Variants in RALYL observed in about 807,000 individuals in gnomAD.
RALYL encodes RALY RNA binding protein like, also known as RNA-binding Raly-like protein.
RALYL carries 29 observed loss-of-function variants against 35.1 expected under a neutral mutation model. The ratio of observed to expected loss-of-function variants is 0.83; its 90% confidence interval spans 0.61 to 1.13. The LOEUF is 1.13. RALYL is among the 50% of genes most tolerant of loss of function. The probability of loss-of-function intolerance (pLI) is 0.00; values close to 1 mark genes in which losing one functional copy is unlikely to be tolerated. For synonymous variants in RALYL, 120 were observed against 127.6 expected (o/e 0.94, Z 0.40); for missense variants, 359 against 360.4 (o/e 1.00, Z 0.03).
rs142195308 is a variant in RALYL, at chr8:84,757,260, G to A, written c.257-17319G>A. On this transcript the variant is annotated intron_variant, in intron 2 of 8. Coordinates refer to ENST00000521268, the MANE Select transcript of RALYL (RefSeq NM_173848.7). ...GCAGCAGAAGATGCCATTACAAAAT[G>A]AAAGTACATCATCTGTATCTACTGG... Among the ~76,000 whole-genome samples the A allele has an allele frequency of 1.6e-3, 238 of 152,204 alleles. 1 individual carries two copies. The highest frequency in any genetic ancestry group is 5.4e-3 in the African/African-American group (223 of 41,544).
chr8:84,651,153 A>G (rs1328554816), intron 2 of RALYL, among the ~76,000 whole-genome samples: 2 of 152,026 alleles, frequency 1.3e-5, no homozygotes, highest in African/African-American at 2.4e-5. Context: ...GCACACCAGC[A>G]TGGCACATGT....
chr8:84,610,905 C>T (rs551417228), intron 2 of RALYL, among the ~76,000 whole-genome samples: 4 of 150,860 alleles, frequency 2.7e-5, no homozygotes, highest in South Asian at 4.2e-4. Context: ...GTTTGTTTAG[C>T]ATTTTCTTAC....
At chr8:84,287,689 G>A (rs1837927539) in intron 1 of RALYL, among the ~76,000 whole-genome samples, 1 of 152,062 alleles carries the variant, frequency 6.6e-6, no homozygotes, top group Non-Finnish European at 1.5e-5. Context: ...TGGACACATG[G>A]GAGTAAGATG....
intron 2 of RALYL, among the ~76,000 whole-genome samples, chr8:84,719,354 G>T (rs1034720185): frequency 9.2e-5 from 14 of 152,126 alleles, no homozygotes; most frequent in Non-Finnish European, 2.1e-4. Context: ...TAGGCTGTTT[G>T]TGAACTATCT....
chr8:84,858,912 A>G (rs889401785), intron 5 of RALYL, among the ~76,000 whole-genome samples: 12 of 152,200 alleles, frequency 7.9e-5, no homozygotes, highest in African/African-American at 2.9e-4. Flanking sequence ...GAAAGTCTTC[A>G]GGTCCATTAA....
chr8:84,826,292 GAAAAAAAAA>G (rs1169764529), intron 4 of RALYL, among the ~76,000 whole-genome samples: 8 of 66,012 alleles, frequency 1.2e-4, no homozygotes, highest in Non-Finnish European at 2.4e-4. Flanking sequence ...CCCTGAATCT[GAAAAAAAAA>G]AAAAAAAAAA....
chr8:84,759,248 A>G (rs185830063), intron 2 of RALYL, among the ~76,000 whole-genome samples: 2 of 152,320 alleles, frequency 1.3e-5, no homozygotes, highest in Admixed American at 1.3e-4. Flanking sequence ...TACAGGTTCC[A>G]GGAATTGGAA....
chr8:84,889,618 C>T (rs1172237880), intron 8 of RALYL, among the ~76,000 whole-genome samples: 1 of 152,136 alleles, frequency 6.6e-6, no homozygotes, highest in African/African-American at 2.4e-5. Context: ...GGCCAAGATT[C>T]CTAAATTCAC....
rs1204732916 is a variant in RALYL at position 84,784,186 on chromosome 8, AAC to A, written c.332+9536_332+9537del. Among the ~76,000 whole-genome samples, 20 of 152,310 alleles carry A rather than the reference AAC, an allele frequency of 1.3e-4. 2 individuals carry two copies. In the East Asian group the frequency reaches 3.7e-3, roughly 28 times the overall value. ...GCAGCCACATCAGGGCTTCTTCTAT[AAC>A]ACAGTCTTCACACATGCAGAGATGC... On this transcript the variant is annotated intron_variant, in intron 3 of 8. Transcript: ENST00000521268.
chr8:84,335,709 C>T (rs1289924320), intron 1 of RALYL, among the ~76,000 whole-genome samples: 77 of 85,230 alleles, frequency 9.0e-4, no homozygotes, highest in African/African-American at 3.7e-3. Context: ...GTTTTCTTAC[C>T]TTTTTTTTTT....
intron 2 of RALYL, among the ~76,000 whole-genome samples, chr8:84,567,956 A>G (rs955843358): frequency 4.0e-5 from 6 of 151,700 alleles, no homozygotes; most frequent in African/African-American, 4.8e-5. Context: ...CTCTGGTTAA[A>G]TGATGTTGAG....
At chr8:84,230,298 A>G (rs1019538072) in intron 1 of RALYL, among the ~76,000 whole-genome samples, 2 of 152,110 alleles carry the variant, frequency 1.3e-5, no homozygotes, top group Non-Finnish European at 2.9e-5. Flanking sequence ...TCTCAAAACA[A>G]TGTATACATG....
chr8:84,292,046 T>A (rs1407168085), intron 1 of RALYL, among the ~76,000 whole-genome samples: 1 of 151,822 alleles, frequency 6.6e-6, no homozygotes, highest in Non-Finnish European at 1.5e-5. Context: ...TGTTACAGGT[T>A]GTTTTGGTAT....
At chr8:84,864,716 A>C (rs567222165) in intron 6 of RALYL, 1 of 560,502 alleles carries the variant, frequency 1.8e-6, no homozygotes, top group South Asian at 1.7e-5. Flanking sequence ...CCCCAGTAAG[A>C]TACTTGAGTC....
At chr8:84,220,831 AT>A (rs762425288) in intron 1 of RALYL, among the ~76,000 whole-genome samples, 5 of 151,952 alleles carry the variant, frequency 3.3e-5, no homozygotes, top group Non-Finnish European at 5.9e-5. Flanking sequence ...AAAATTGTTC[AT>A]TTCCTTTACT....
At chr8:84,703,151 C>T (rs1222830297) in intron 2 of RALYL, among the ~76,000 whole-genome samples, 1 of 152,144 alleles carries the variant, frequency 6.6e-6, no homozygotes, top group Non-Finnish European at 1.5e-5. Context: ...CTTTCTCTCA[C>T]CTGCCTACCC....
chr8:84,183,488 C>G lies in RALYL; in HGVS notation c.-960C>G, dbSNP rs972233457. On this transcript the variant is annotated 5_prime_UTR_variant, in exon 1 of 9. Transcript: ENST00000521268. ...GTGTCAGTGCCTGAGGCAGAGACTG[C>G]GAGAAAAAAACGCGCTTCATTCCTT... The G allele has an allele frequency of 6.6e-6, 1 of 152,330 alleles. No individual in the cohort carries two copies. Among genetic ancestry groups the G allele is most frequent in the Non-Finnish European group, 1.5e-5 (1 of 68,082 alleles). The allele number at this position is 152,330 out of a possible 1,614,324, so 9.4% of individuals were successfully genotyped here.
At chr8:84,627,465 G>A (rs1442522446) in intron 2 of RALYL, among the ~76,000 whole-genome samples, 1 of 147,414 alleles carries the variant, frequency 6.8e-6, no homozygotes, top group Non-Finnish European at 1.5e-5. Context: ...CGAGTGGCTA[G>A]GATTCCAAAT....
At chr8:84,295,819 CTCTACAAATACTGTTTAT>C (rs1839648237) in intron 1 of RALYL, among the ~76,000 whole-genome samples, 1 of 152,106 alleles carries the variant, frequency 6.6e-6, no homozygotes, top group Non-Finnish European at 1.5e-5. Context: ...TAGTATTATT[CTCTACAAATACTGTTTAT>C]TCTTCCTAAA....
Sources: allele counts gnomAD v4.1 joint callset (sites outside exome capture counted in the v4.1 genomes callset), GRCh38; gene constraint gnomAD v4.1.1; transcripts MANE v1.5; gene names NCBI Gene and HGNC (gene_info 2026-07-23, HGNC 2026-07-21).